EXT1: variants seen among roughly 807,000 people sequenced by gnomAD.
EXT1 encodes exostosin glycosyltransferase 1.
EXT1 carries 20 observed loss-of-function variants against 82.5 expected under a neutral mutation model. The observed-to-expected ratio is 0.24, with a 90% CI of 0.17 to 0.35. The LOEUF (loss-of-function observed/expected upper bound fraction) is 0.35. EXT1 is among the 10% of genes least tolerant of loss of function. The probability of loss-of-function intolerance (pLI) is 1.00; values close to 1 mark genes in which losing one functional copy is unlikely to be tolerated. For synonymous variants in EXT1, 348 were observed against 350.8 expected (o/e 0.99, Z 0.09); for missense variants, 757 against 936.5 (o/e 0.81, Z 2.50).
intron 1 of EXT1, among the ~76,000 whole-genome samples, chr8:117,869,128 G>A (rs1047148808): frequency 8.5e-5 from 13 of 152,178 alleles, no homozygotes; most frequent in African/African-American, 2.9e-4. Context: ...CCCCACTTTG[G>A]CGGATGAGGC....
chr8:118,058,814 CGAAT>C (rs1816835958), intron 1 of EXT1, among the ~76,000 whole-genome samples: 1 of 152,034 alleles, frequency 6.6e-6, no homozygotes, highest in African/African-American at 2.4e-5. Flanking sequence ...AACTGATTAA[CGAAT>C]GAATGGACTG....
At chr8:118,000,364 C>T (rs373696716) in intron 1 of EXT1, among the ~76,000 whole-genome samples, 24 of 152,012 alleles carry the variant, frequency 1.6e-4, no homozygotes, top group African/African-American at 5.8e-4. Context: ...TAGAAAAATG[C>T]ATAGCATCAT....
intron 1 of EXT1, among the ~76,000 whole-genome samples, chr8:118,025,125 T>C (rs1816179451): frequency 6.6e-6 from 1 of 152,148 alleles, no homozygotes; most frequent in Non-Finnish European, 1.5e-5. Flanking sequence ...GTCACTGTAC[T>C]GGGGGTCAGA....
chr8:117,990,647 A>G (rs1468900959), intron 1 of EXT1, among the ~76,000 whole-genome samples: 1 of 152,244 alleles, frequency 6.6e-6, no homozygotes, highest in African/African-American at 2.4e-5. Flanking sequence ...AACACTGCCC[A>G]CAACCTGACT....
intron 1 of EXT1, among the ~76,000 whole-genome samples, chr8:118,096,410 C>T (rs1218096840): frequency 2.6e-5 from 4 of 151,882 alleles, no homozygotes; most frequent in Non-Finnish European, 5.9e-5. Context: ...ATCACGAGGT[C>T]GGGAGATCGA....
rs1463298875 is a variant in EXT1 at position 117,861,876 on chromosome 8, T to G, written c.963-24675A>C. ...TGGTGCTCATATCTCTGAGACATCT[T>G]GCAGAGAGGTAATCCCTAAATGATG... is the stretch of plus-strand genomic sequence containing the variant. On this transcript the variant is annotated intron_variant, in intron 1 of 10. Transcript: ENST00000378204. Among the ~76,000 whole-genome samples the G allele has an allele frequency of 2.3e-5, 2 of 87,566 alleles. 1 individual carries two copies. Among genetic ancestry groups the G allele is most frequent in the Non-Finnish European group, 6.5e-5 (2 of 30,656 alleles). The allele number at this position is 87,566 out of a possible 152,430, so 57.4% of individuals were successfully genotyped here. A position where few individuals can be genotyped will look rare whatever the true frequency, so the allele number is the denominator to read the frequency against.
At chr8:118,063,007 G>A (rs572021939) in intron 1 of EXT1, among the ~76,000 whole-genome samples, 1 of 152,182 alleles carries the variant, frequency 6.6e-6, no homozygotes, top group African/African-American at 2.4e-5. Flanking sequence ...GAAAGAAGAA[G>A]GAGAAAATGT....
chr8:118,077,398 C>T (rs985063231), intron 1 of EXT1, among the ~76,000 whole-genome samples: 1 of 152,176 alleles, frequency 6.6e-6, no homozygotes, highest in Admixed American at 6.5e-5. Context: ...ACTGTATTTC[C>T]ACAGTTATTG....
chr8:117,910,265 T>G (rs1384256730), intron 1 of EXT1, among the ~76,000 whole-genome samples: 1 of 152,178 alleles, frequency 6.6e-6, no homozygotes, highest in African/African-American at 2.4e-5. Flanking sequence ...CAAAGGGGGC[T>G]GCTGATGATG....
At chr8:118,070,234 G>GTA (rs1344666842) in intron 1 of EXT1, among the ~76,000 whole-genome samples, 3 of 96,248 alleles carry the variant, frequency 3.1e-5, no homozygotes, top group Non-Finnish European at 5.8e-5. Flanking sequence ...TTCTGTGTGT[G>GTA]TGTGTGTGTG....
intron 1 of EXT1, among the ~76,000 whole-genome samples, chr8:118,103,756 T>C (rs11562695): frequency 0.11 from 17,461 of 152,110 alleles, 1,343 homozygotes; most frequent in Middle Eastern, 0.19. Context: ...AGAAGAACCC[T>C]AGGAGAGAAT....
At chr8:117,928,196 A>G (rs1813987254) in intron 1 of EXT1, among the ~76,000 whole-genome samples, 1 of 152,190 alleles carries the variant, frequency 6.6e-6, no homozygotes, top group Non-Finnish European at 1.5e-5. Flanking sequence ...TGGGTGACTC[A>G]CCAGAGAATG....
chr8:117,849,978 G>A (rs1342623151), intron 1 of EXT1, among the ~76,000 whole-genome samples: 2 of 152,330 alleles, frequency 1.3e-5, no homozygotes, highest in Admixed American at 6.5e-5. Flanking sequence ...TACCAAAGCC[G>A]GTGATTAAAC....
At chr8:118,069,232 T>C (rs1215419041) in intron 1 of EXT1, among the ~76,000 whole-genome samples, 1 of 152,236 alleles carries the variant, frequency 6.6e-6, no homozygotes, top group Non-Finnish European at 1.5e-5. Context: ...AGAGGTTAAC[T>C]TCCCATGTGT....
rs969137353 is a variant in EXT1, at chr8:117,896,819, C to G, written c.963-59618G>C. On this transcript the variant is annotated intron_variant, in intron 1 of 10. Coordinates refer to ENST00000378204, the MANE Select transcript of EXT1 (RefSeq NM_000127.3). ...TAATTACATTGAGAGAAAGAACAAG[C>G]GACAAACAGAAGAGCTGCCTTCTAA... Among the ~76,000 whole-genome samples, 20 of 152,308 alleles carry G rather than the reference C, an allele frequency of 1.3e-4. 1 individual carries two copies. Among genetic ancestry groups the G allele is most frequent in the African/African-American group, 4.1e-4 (17 of 41,560 alleles).
chr8:117,931,012 T>C (rs1814049762), intron 1 of EXT1, among the ~76,000 whole-genome samples: 1 of 152,260 alleles, frequency 6.6e-6, no homozygotes. Context: ...GACGTTATCT[T>C]ATATGGCCTA....
At chr8:117,960,125 C>T (rs1052270796) in intron 1 of EXT1, among the ~76,000 whole-genome samples, 1 of 152,084 alleles carries the variant, frequency 6.6e-6, no homozygotes, top group Admixed American at 6.6e-5. Flanking sequence ...GCAGGAGAAT[C>T]GCTTGAACCT....
At chr8:118,035,182 TC>T (rs1461736034) in intron 1 of EXT1, among the ~76,000 whole-genome samples, 2 of 152,162 alleles carry the variant, frequency 1.3e-5, no homozygotes, top group African/African-American at 4.8e-5. Flanking sequence ...CAGCTTTTCA[TC>T]CATGGTGTAA....
chr8:117,873,458 T>G (rs1222509990), intron 1 of EXT1, among the ~76,000 whole-genome samples: 1 of 146,566 alleles, frequency 6.8e-6, no homozygotes, highest in Non-Finnish European at 1.5e-5. Context: ...TTTTTTTTTT[T>G]TTTTTTTTTT....
Sources: allele counts gnomAD v4.1 joint callset (sites outside exome capture counted in the v4.1 genomes callset), GRCh38; gene constraint gnomAD v4.1.1; transcripts MANE v1.5; gene names NCBI Gene and HGNC (gene_info 2026-07-23, HGNC 2026-07-21).